Variants in EBF2 observed in about 807,000 individuals in gnomAD.
EBF2 encodes transcription factor COE2.
EBF2 carries 21 observed loss-of-function variants against 72.8 expected under a neutral mutation model. That is an observed-to-expected ratio of 0.29 (90% CI 0.20 to 0.42). The LOEUF (loss-of-function observed/expected upper bound fraction) is 0.42, where lower values mean the gene tolerates loss of function less well. Ranked by LOEUF, EBF2 falls within the 10% of genes least tolerant of loss-of-function variation. The pLI, the probability that EBF2 is intolerant of heterozygous loss-of-function variation, is 1.00. For missense variants in EBF2, 637 were observed against 731.2 expected (o/e 0.87, Z 1.49); for synonymous variants, 299 against 274.2 (o/e 1.09, Z -0.89).
At chr8:25,950,329 A>G (rs1803840511) in intron 6 of EBF2, among the ~76,000 whole-genome samples, 1 of 152,236 alleles carries the variant, frequency 6.6e-6, no homozygotes, top group South Asian at 2.1e-4. Context: ...ACACACTTTT[A>G]TTAAAAGTAA....
chr8:25,983,912 C>T (rs1030485271), intron 6 of EBF2, among the ~76,000 whole-genome samples: 3 of 152,210 alleles, frequency 2.0e-5, no homozygotes, highest in African/African-American at 7.2e-5. Flanking sequence ...AAAAGATACC[C>T]CAAAATAACT....
chr8:25,982,787 G>A (rs1358967952), intron 6 of EBF2, among the ~76,000 whole-genome samples: 4 of 152,016 alleles, frequency 2.6e-5, no homozygotes, highest in Non-Finnish European at 4.4e-5. Context: ...TCACACTATA[G>A]AACCCACCAT....
At chr8:25,978,158 C>G (rs1172802913) in intron 6 of EBF2, among the ~76,000 whole-genome samples, 2 of 152,134 alleles carry the variant, frequency 1.3e-5, no homozygotes, top group Admixed American at 1.3e-4. Flanking sequence ...GCCCCCTCCC[C>G]ATGTGCTCCG....
At chr8:25,990,594 G>C (rs964476190) in intron 6 of EBF2, among the ~76,000 whole-genome samples, 5 of 152,130 alleles carry the variant, frequency 3.3e-5, no homozygotes, top group African/African-American at 1.2e-4. Context: ...AAGAAAAGGG[G>C]CAGTCCTTAC....
Position 26,044,955 on chromosome 8 carries a change from G to A in EBF2, c.-96C>T. On this transcript the variant is annotated 5_prime_UTR_variant, in exon 1 of 16. Coordinates refer to ENST00000520164, the MANE Select transcript of EBF2 (RefSeq NM_022659.4). The surrounding 1 kb of genome is among the most constrained non-coding windows in gnomAD (Gnocchi z 4.1). ...TTGCCAGCAAATCGTCTCCTCCAAA[G>A]CAATCCAAGAAAAGGGATCAAGTGC... is the stretch of plus-strand genomic sequence containing the variant. 7.3e-7 allele frequency: 1 copy of A among 1,360,926 alleles called. No individual in the cohort carries two copies. The highest frequency in any genetic ancestry group is 9.9e-7 in the Non-Finnish European group (1 of 1,005,194). The allele number at this position is 1,360,926 out of a possible 1,614,324, so 84.3% of individuals were successfully genotyped here. A position where few individuals can be genotyped will look rare whatever the true frequency, so the allele number is the denominator to read the frequency against.
intron 10 of EBF2, among the ~76,000 whole-genome samples, chr8:25,879,066 A>G (rs1802566201): frequency 6.6e-6 from 1 of 152,178 alleles, no homozygotes; most frequent in Admixed American, 6.5e-5. Flanking sequence ...TTAAATAACA[A>G]CAACACTGAG....
chr8:26,030,934 T>C lies in EBF2; in HGVS notation c.551+2151A>G, dbSNP rs1303904916. Among the ~76,000 whole-genome samples, 3 of 152,256 alleles carry C rather than the reference T, an allele frequency of 2.0e-5. No homozygotes were observed. In the East Asian group the frequency reaches 5.8e-4, roughly 29 times the overall value. Reference sequence around the variant, plus strand: ...ACACAAAGATACTTTCTTTTGTACATGTAATATGTGTGTTACATAGGAAGA... The same window carrying C: ...ACACAAAGATACTTTCTTTTGTACACGTAATATGTGTGTTACATAGGAAGA... On this transcript the variant is annotated intron_variant, in intron 6 of 15. Transcript: ENST00000520164.
intron 15 of EBF2, among the ~76,000 whole-genome samples, chr8:25,846,647 C>T (rs1335994581): frequency 6.6e-6 from 1 of 152,116 alleles, no homozygotes; most frequent in African/African-American, 2.4e-5. Flanking sequence ...CATGATTGCA[C>T]CACTATACTA....
chr8:25,934,344 G>A (rs150843336), intron 6 of EBF2, among the ~76,000 whole-genome samples: 137 of 151,554 alleles, frequency 9.0e-4, no homozygotes, highest in African/African-American at 3.2e-3. Context: ...TTAGAAAGAC[G>A]GATTTCCCTT....
At chr8:25,894,625 T>C (rs1802837371) in intron 7 of EBF2, among the ~76,000 whole-genome samples, 1 of 152,156 alleles carries the variant, frequency 6.6e-6, no homozygotes. Flanking sequence ...CAGCTTAATG[T>C]TAGAGGGTCA....
In EBF2 at chr8:25,844,607, C is replaced by T; in HGVS notation, c.*2G>A. 1 of 1,613,960 alleles carries T rather than the reference C, an allele frequency of 6.2e-7. No individual in the cohort carries two copies. Among genetic ancestry groups the T allele is most frequent in the Admixed American group, 1.7e-5 (1 of 60,002 alleles). ...TTTGTGCTATAAGAAAGCAGTTCTT[C>T]TTTACATCGGGGGTACAACAAGTCC... On this transcript the variant is annotated 3_prime_UTR_variant, in exon 16 of 16. Transcript: ENST00000520164.
intron 7 of EBF2, among the ~76,000 whole-genome samples, chr8:25,900,556 T>C (rs6557867): frequency 0.92 from 139,287 of 152,222 alleles, 63,818 homozygotes; most frequent in African/African-American, 0.96. Flanking sequence ...TATCTCAGTC[T>C]TCTCCCTAGC....
At chr8:25,848,511 T>G (rs930030971) in intron 15 of EBF2, among the ~76,000 whole-genome samples, 9 of 152,068 alleles carry the variant, frequency 5.9e-5, no homozygotes, top group African/African-American at 1.9e-4. Flanking sequence ...CACGGGAGTC[T>G]TGGGCATGCA....
chr8:25,962,409 C>T (rs994666573), intron 6 of EBF2, among the ~76,000 whole-genome samples: 3 of 152,102 alleles, frequency 2.0e-5, no homozygotes, highest in African/African-American at 4.8e-5. Flanking sequence ...TGTAAATATG[C>T]GGGGTCCCAA....
intron 6 of EBF2, among the ~76,000 whole-genome samples, chr8:26,002,101 G>T (rs143522647): frequency 1.7e-3 from 262 of 152,276 alleles, no homozygotes; most frequent in Middle Eastern, 3.4e-3. Context: ...GGGAGTTCAG[G>T]CAAAGGAACA....
At chr8:25,861,022 G>A (rs201471134) in intron 13 of EBF2, 27 bp downstream of exon 13, 12 of 1,613,676 alleles carry the variant, frequency 7.4e-6, no homozygotes, top group Non-Finnish European at 1.0e-5. Flanking sequence ...AGACATATTT[G>A]GATTTTGACT....
chr8:25,858,752 C>T (rs540009962), intron 13 of EBF2, among the ~76,000 whole-genome samples: 15 of 150,262 alleles, frequency 1.0e-4, no homozygotes, highest in African/African-American at 3.4e-4. Flanking sequence ...CTCTGCTGCC[C>T]GGGTTCACGT....
chr8:25,955,127 C>A (rs970518422), intron 6 of EBF2, among the ~76,000 whole-genome samples: 5 of 152,236 alleles, frequency 3.3e-5, no homozygotes, highest in Non-Finnish European at 5.9e-5. Context: ...CTGATCACAG[C>A]GACAAGAGCA....
chr8:25,947,200 C>T (rs890219670), intron 6 of EBF2, among the ~76,000 whole-genome samples: 1 of 152,056 alleles, frequency 6.6e-6, no homozygotes, highest in Admixed American at 6.5e-5. Context: ...GGAGGTAATT[C>T]AATTATGGGG....
Sources: gnomAD v4.1 joint callset for allele counts (sites outside exome capture counted in the v4.1 genomes callset) on GRCh38, gnomAD v4.1.1 for gene constraint, Gnocchi (gnomAD v3.1) non-coding constraint, MANE v1.5 for transcripts, NCBI Gene and HGNC (gene_info 2026-07-23, HGNC 2026-07-21) for gene names.